The following DGKD variants were observed in gnomAD, a reference collection of about 807,000 sequenced individuals.
The protein encoded by DGKD is DAG kinase delta.
DGKD carries 68 observed loss-of-function variants against 154.4 expected under a neutral mutation model. The ratio of observed to expected loss-of-function variants is 0.44; its 90% CI spans 0.36 to 0.54. DGKD has a LOEUF of 0.54. Among genes scored for constraint, DGKD ranks in the 20% least tolerant of loss-of-function variants. DGKD has a pLI of 0.00. For missense variants in DGKD, 1,343 were observed against 1,593.6 expected, an observed-to-expected ratio of 0.84 and a Z score of 2.68; for synonymous variants, 693 against 638.0, an observed-to-expected ratio of 1.09 and a Z score of -1.30.
intron 3 of DGKD, among the ~76,000 whole-genome samples, chr2:233,404,104 A>G (rs530903175): frequency 6.6e-6 from 1 of 152,038 alleles, no homozygotes; most frequent in South Asian, 2.1e-4. Context: ...TGTGTTATAT[A>G]CATGTATAAT....
At position 233,354,556 on chromosome 2, in the gene DGKD, C is replaced by G. The variant is rs1169247864; in HGVS notation, c.38C>G (p.Pro13Arg). The G allele has an allele frequency of 3.8e-6, 4 of 1,042,614 alleles. No homozygotes were observed. The highest frequency in any genetic ancestry group is 1.7e-5 in the African/African-American group (1 of 57,516). The allele number at this position is 1,042,614 out of a possible 1,614,324, so 64.6% of individuals were successfully genotyped here. The change falls in exon 1 of 30, where the codon CCG becomes CGG. Residue 13 changes from proline (P) to arginine (R), a missense_variant. Physicochemically the swap from Pro to Arg is moderately radical, Grantham distance 103. This residue lies in a region of DGKD where 57 missense variants were observed against 27.8 expected (regional missense o/e 2.05). Transcript: ENST00000264057. This position sits in a 1 kb window ranked among gnomAD's most constrained non-coding sequence, Gnocchi z 4.8. ...GCGGGCGCCCCTCCGCCGGGTCCCC[C>G]GCAACCGCCTCCGCCGCCGCCGCCC... ...AAAGAPPPGP[P>R]QPPPPPPPEE...
intron 1 of DGKD, among the ~76,000 whole-genome samples, chr2:233,377,224 A>G (rs1446680308): frequency 6.6e-6 from 1 of 151,896 alleles, no homozygotes; most frequent in Non-Finnish European, 1.5e-5. Context: ...CTGTGATTAC[A>G]GGTGTGTGCC....
chr2:233,422,321 C>A (rs1273827865), intron 3 of DGKD, among the ~76,000 whole-genome samples: 1 of 152,216 alleles, frequency 6.6e-6, no homozygotes. Context: ...AGAAATGAAA[C>A]CTTCCATTTC....
intron 26 of DGKD, chr2:233,463,802 C>A: frequency 3.4e-6 from 1 of 292,240 alleles, no homozygotes; most frequent in Non-Finnish European, 6.7e-6. Flanking sequence ...CTGCACACCT[C>A]CTGCTGCCTC....
intron 3 of DGKD, among the ~76,000 whole-genome samples, chr2:233,397,543 G>T (rs1006644156): frequency 1.4e-5 from 2 of 140,272 alleles, no homozygotes; most frequent in African/African-American, 2.6e-5. Context: ...GCTGGGGGGG[G>T]GGGGCAGAGT....
At chr2:233,414,271 C>T (rs1559518712) in intron 3 of DGKD, among the ~76,000 whole-genome samples, 1 of 152,212 alleles carries the variant, frequency 6.6e-6, no homozygotes, top group Non-Finnish European at 1.5e-5. Context: ...GAGTCTGTGC[C>T]CACTTATCCT....
At position 233,434,450 on chromosome 2, in the gene DGKD, C is replaced by G. The variant is rs771916422; in HGVS notation, c.419C>G (p.Ala140Gly). ...NRKEMEDWIAALKTVQNREHF... is the reference protein window; with the variant it reads ...NRKEMEDWIAGLKTVQNREHF... Reference sequence around the variant, plus strand: ...AAAGAAATGGAAGATTGGATTGCAGCATTAAAGACTGTGCAGAACAGGGAG... The same window carrying G: ...AAAGAAATGGAAGATTGGATTGCAGGATTAAAGACTGTGCAGAACAGGGAG... The change falls in exon 4 of 30, where the codon GCA (alanine) becomes GGA (glycine). Residue 140 changes from alanine (A) to glycine (G), a missense_variant. By Grantham distance (60) the Ala-to-Gly change is moderately conservative (BLOSUM62 0). Coordinates refer to ENST00000264057, the MANE Select transcript of DGKD (RefSeq NM_152879.3). 4 of 1,614,128 alleles carry G rather than the reference C, an allele frequency of 2.5e-6. No homozygotes were observed. Among genetic ancestry groups the G allele is most frequent in the Non-Finnish European group, 3.4e-6 (4 of 1,180,002 alleles).
chr2:233,468,278 GGCT>G, intron 28 of DGKD, 142 bp from the exon 29 acceptor site: 1 of 931,682 alleles, frequency 1.1e-6, no homozygotes, highest in South Asian at 1.9e-5. Flanking sequence ...CTCAGGCGCT[GGCT>G]GCTGCTGGGC....
intron 1 of DGKD, among the ~76,000 whole-genome samples, chr2:233,355,468 C>T (rs1474615530): frequency 1.3e-5 from 2 of 152,232 alleles, no homozygotes; most frequent in Non-Finnish European, 2.9e-5. Flanking sequence ...GGACAGGTGG[C>T]TGCGAGCAGG....
intron 18 of DGKD, among the ~76,000 whole-genome samples, chr2:233,453,272 G>GC (rs2063345828): frequency 6.6e-6 from 1 of 152,148 alleles, no homozygotes; most frequent in Admixed American, 6.5e-5. Context: ...GGCCTGAGCA[G>GC]CCCCTGGTAC....
At chr2:233,400,297 C>G (rs2061527601) in intron 3 of DGKD, among the ~76,000 whole-genome samples, 1 of 152,368 alleles carries the variant, frequency 6.6e-6, no homozygotes, top group Middle Eastern at 3.4e-3. Flanking sequence ...GCTTTGTCTA[C>G]AGGACAGCGG....
chr2:233,462,516 C>T, intron 25 of DGKD, 57 bp downstream of exon 25: 1 of 1,545,974 alleles, frequency 6.5e-7, no homozygotes. Flanking sequence ...CGCCCTCGGC[C>T]CTCCCCGTGC....
intron 3 of DGKD, among the ~76,000 whole-genome samples, chr2:233,425,547 A>C (rs2062267206): frequency 6.6e-6 from 1 of 152,198 alleles, no homozygotes; most frequent in African/African-American, 2.4e-5. Context: ...TGGTACAGAA[A>C]TCTTAAGGCT....
chr2:233,454,839 A>C lies in DGKD; in HGVS notation c.2341A>C (p.Asn781His), dbSNP rs752778027. Residue 781 changes from asparagine (N) to histidine (H), a missense_variant, in exon 19 of 30, where the codon AAC becomes CAC. Coordinates refer to ENST00000264057, the MANE Select transcript of DGKD (RefSeq NM_152879.3). ...GLDAKISLDF[N>H]NKRDEHPEKC... Reference sequence around the variant, plus strand: ...GGATGCGAAGATATCCCTGGACTTTAACAACAAGCGCGATGAGCACCCAGA... The same window carrying C: ...GGATGCGAAGATATCCCTGGACTTTCACAACAAGCGCGATGAGCACCCAGA... 1.4e-5 allele frequency: 22 copies of C among 1,613,918 alleles called. No individual in the cohort carries two copies. Among genetic ancestry groups the C allele is most frequent in the Non-Finnish European group, 1.8e-5 (21 of 1,179,888 alleles).
chr2:233,359,835 A>G (rs771337301), intron 1 of DGKD, among the ~76,000 whole-genome samples: 2 of 152,242 alleles, frequency 1.3e-5, no homozygotes, highest in East Asian at 1.9e-4. Flanking sequence ...TAATAAAACA[A>G]TCACACAGTT....
In DGKD at chr2:233,466,559, T is replaced by C. The variant is rs537147735; in HGVS notation, c.3307-527T>C. Among the ~76,000 whole-genome samples, 12 of 152,248 alleles carry C rather than the reference T, an allele frequency of 7.9e-5. No homozygotes were observed. In the South Asian group the frequency reaches 1.9e-3, roughly 24 times the overall value. ...CTCAGGGAGTGCTGTGTGGAGAGGCTGCCGCCGCCGATGGCTGTCAAGAGC... is the reference window on the plus strand; with the variant it reads ...CTCAGGGAGTGCTGTGTGGAGAGGCCGCCGCCGCCGATGGCTGTCAAGAGC... On this transcript the variant is annotated intron_variant, in intron 27 of 29. Coordinates refer to ENST00000264057, the MANE Select transcript of DGKD (RefSeq NM_152879.3).
intron 1 of DGKD, among the ~76,000 whole-genome samples, chr2:233,368,582 G>T (rs548079165): frequency 6.6e-6 from 1 of 152,244 alleles, no homozygotes; most frequent in South Asian, 2.1e-4. Flanking sequence ...TAAAAAGGCA[G>T]GTCAATTGCT....
intron 3 of DGKD, among the ~76,000 whole-genome samples, chr2:233,422,628 C>T (rs1486015752): frequency 6.6e-6 from 1 of 152,228 alleles, no homozygotes; most frequent in African/African-American, 2.4e-5. Context: ...GATAAGATTA[C>T]ACTTTTAACT....
In DGKD at chr2:233,435,917, C is replaced by T; in HGVS notation, c.686C>T (p.Ala229Val). ...ATCGGGAAGGACATCATTGAAGATGCAGATGGGGTATGTTAAGAAATACCA... is the reference window on the plus strand; with the variant it reads ...ATCGGGAAGGACATCATTGAAGATGTAGATGGGGTATGTTAAGAAATACCA... ...ASIGKDIIED[A>V]DGIAMPHQWL... The change falls in exon 6 of 30, where the codon GCA becomes GTA. Residue 229 changes from alanine to valine, a missense_variant. Coordinates refer to ENST00000264057, the MANE Select transcript of DGKD (RefSeq NM_152879.3). 2 of 1,608,212 alleles carry T rather than the reference C, an allele frequency of 1.2e-6. No individual in the cohort carries two copies. The highest frequency in any genetic ancestry group is 1.7e-6 in the Non-Finnish European group (2 of 1,177,168).
Sources: gnomAD v4.1 joint callset for allele counts (sites outside exome capture counted in the v4.1 genomes callset) on GRCh38, gnomAD v4.1.1 for gene constraint, gnomAD v4.1.1 regional missense constraint, Gnocchi (gnomAD v3.1) non-coding constraint, MANE v1.5 for transcripts, NCBI Gene and HGNC (gene_info 2026-07-23, HGNC 2026-07-21) for gene names.